JMJD1C: variants seen among roughly 807,000 people sequenced by gnomAD.
The protein encoded by JMJD1C is jumonji domain containing 1C, also known as jumonji domain-containing protein 1C.
A neutral mutation model predicts 245.3 loss-of-function variants in JMJD1C; 31 were observed. That is an observed-to-expected ratio of 0.13 (90% CI 0.09 to 0.17). The LOEUF (loss-of-function observed/expected upper bound fraction) is 0.17. Ranked by LOEUF, JMJD1C falls within the 10% of genes least tolerant of loss-of-function variation. The probability of loss-of-function intolerance (pLI) is 1.00; values close to 1 mark genes in which losing one functional copy is unlikely to be tolerated. For missense variants in JMJD1C, 2,691 were observed against 3,000.2 expected (o/e 0.90, Z 2.41); for synonymous variants, 1,057 against 1,017.4 (o/e 1.04, Z -0.74).
intron 22 of JMJD1C, among the ~76,000 whole-genome samples, chr10:63,181,871 C>T (rs558957657): frequency 6.6e-6 from 1 of 152,316 alleles, no homozygotes; most frequent in East Asian, 1.9e-4. Context: ...ATAATCTGAA[C>T]TACAGGTCAC....
At chr10:63,279,783 G>A (rs900190266) in intron 2 of JMJD1C, among the ~76,000 whole-genome samples, 1 of 152,132 alleles carries the variant, frequency 6.6e-6, no homozygotes, top group Non-Finnish European at 1.5e-5. Context: ...TTATGTGAAA[G>A]AATCCTGAAG....
chr10:63,405,273 G>A (rs183366724), intron 1 of JMJD1C, among the ~76,000 whole-genome samples: 1 of 151,780 alleles, frequency 6.6e-6, no homozygotes, highest in African/African-American at 2.4e-5. Context: ...ATACATGGGA[G>A]AGTCAGAATT....
chr10:63,441,156 A>T (rs920714258), intron 1 of JMJD1C, among the ~76,000 whole-genome samples: 2 of 152,208 alleles, frequency 1.3e-5, no homozygotes, highest in African/African-American at 4.8e-5. Flanking sequence ...AAAAGAACTG[A>T]AAGCTCTCTT....
At chr10:63,430,260 A>C (rs745577440) in intron 1 of JMJD1C, among the ~76,000 whole-genome samples, 2 of 152,372 alleles carry the variant, frequency 1.3e-5, no homozygotes, top group Non-Finnish European at 2.9e-5. Context: ...ACATATAAGA[A>C]TATCTTTGTG....
intron 3 of JMJD1C, among the ~76,000 whole-genome samples, chr10:63,262,396 T>A (rs1854889794): frequency 6.6e-6 from 1 of 152,168 alleles, no homozygotes; most frequent in Non-Finnish European, 1.5e-5. Flanking sequence ...CAAAATAAGA[T>A]AAATGTCTAT....
intron 3 of JMJD1C, among the ~76,000 whole-genome samples, chr10:63,260,691 G>A (rs1291789969): frequency 6.6e-6 from 1 of 152,060 alleles, no homozygotes; most frequent in Non-Finnish European, 1.5e-5. Context: ...CCAGGTTCAA[G>A]CGATTCTCCT....
chr10:63,194,233 C>G, intron 14 of JMJD1C, 53 bp downstream of exon 14: 1 of 1,126,816 alleles, frequency 8.9e-7, no homozygotes, highest in Non-Finnish European at 1.4e-6. Context: ...TAAGTGTTTC[C>G]TTAATCTGGA....
intron 2 of JMJD1C, among the ~76,000 whole-genome samples, chr10:63,296,952 A>G (rs9414788): frequency 0.86 from 130,763 of 152,174 alleles, 56,883 homozygotes; most frequent in African/African-American, 0.96. Flanking sequence ...ACATTTCTTC[A>G]AAGTACCTGT....
intron 2 of JMJD1C, among the ~76,000 whole-genome samples, chr10:63,336,889 G>T (rs1257667215): frequency 6.6e-6 from 1 of 151,930 alleles, no homozygotes; most frequent in Non-Finnish European, 1.5e-5. Flanking sequence ...TGTTGCCCCT[G>T]GAGTGCAGTT....
At chr10:63,317,140 C>T (rs1300947179) in intron 2 of JMJD1C, among the ~76,000 whole-genome samples, 1 of 152,032 alleles carries the variant, frequency 6.6e-6, no homozygotes, top group Non-Finnish European at 1.5e-5. Flanking sequence ...GGATTACAGG[C>T]ATGAGACACC....
At chr10:63,521,560 G>T in intron 1 of JMJD1C, 1 of 1,429,026 alleles carries the variant, frequency 7.0e-7, no homozygotes, top group Non-Finnish European at 9.3e-7. Context: ...TGTCCTGGAT[G>T]ATCTCCAGAG....
chr10:63,405,004 T>C (rs961788938), intron 1 of JMJD1C, among the ~76,000 whole-genome samples: 2 of 152,196 alleles, frequency 1.3e-5, no homozygotes, highest in Non-Finnish European at 2.9e-5. Flanking sequence ...AATTAGTTCT[T>C]GCTCCCAAGG....
chr10:63,209,091 T>G lies in JMJD1C; in HGVS notation c.2839A>C (p.Thr947Pro). The G allele has an allele frequency of 6.2e-7, 1 of 1,613,606 alleles. No individual in the cohort carries two copies. Among genetic ancestry groups the G allele is most frequent in the Non-Finnish European group, 8.5e-7 (1 of 1,179,750 alleles). ...TTATGATGATCTACTAAAGTTTTTG[T>G]CAATGGTGGACTGGAATGGGCTGTA... Reference protein sequence around the residue: ...KITAHSSPPLTKTLVDHHKEE... With the variant: ...KITAHSSPPLPKTLVDHHKEE... The change falls in exon 9 of 26, where the codon ACA becomes CCA. Residue 947 changes from threonine (T) to proline (P), a missense_variant. This residue lies in a region of JMJD1C where 1,562 missense variants were observed against 1,490.7 expected (regional missense o/e 1.05). Coordinates refer to ENST00000399262, the MANE Select transcript of JMJD1C (RefSeq NM_032776.3).
At chr10:63,279,546 T>A (rs1274273214) in intron 2 of JMJD1C, among the ~76,000 whole-genome samples, 1 of 152,170 alleles carries the variant, frequency 6.6e-6, no homozygotes, top group African/African-American at 2.4e-5. Context: ...CTCAGCACTT[T>A]GGTAGGGAGG....
At chr10:63,359,759 T>C (rs1056575635) in intron 2 of JMJD1C, among the ~76,000 whole-genome samples, 2 of 152,184 alleles carry the variant, frequency 1.3e-5, no homozygotes, top group East Asian at 3.8e-4. Flanking sequence ...AATATAGTTA[T>C]TGAAGAAAGT....
chr10:63,357,149 T>A (rs1290938356), intron 2 of JMJD1C, among the ~76,000 whole-genome samples: 1 of 151,998 alleles, frequency 6.6e-6, no homozygotes, highest in African/African-American at 2.4e-5. Flanking sequence ...TTCTCCTGCC[T>A]CAGCCTCCCC....
At chr10:63,244,670 A>G (rs1441050769) in intron 3 of JMJD1C, among the ~76,000 whole-genome samples, 2 of 152,100 alleles carry the variant, frequency 1.3e-5, no homozygotes, top group African/African-American at 4.8e-5. Flanking sequence ...AACACAGAAA[A>G]GCAATTCATA....
At chr10:63,323,581 G>A (rs750692900) in intron 2 of JMJD1C, among the ~76,000 whole-genome samples, 3 of 152,100 alleles carry the variant, frequency 2.0e-5, no homozygotes, top group Non-Finnish European at 4.4e-5. Context: ...ATAAAACAAT[G>A]TTATCCATTC....
At chr10:63,393,074 C>T (rs917683820) in intron 1 of JMJD1C, among the ~76,000 whole-genome samples, 2 of 152,094 alleles carry the variant, frequency 1.3e-5, no homozygotes, top group African/African-American at 2.4e-5. Context: ...TGAGGCCAGC[C>T]TGGGCAACAT....
Sources: allele counts gnomAD v4.1 joint callset (sites outside exome capture counted in the v4.1 genomes callset), GRCh38; gene constraint gnomAD v4.1.1; regional missense constraint gnomAD v4.1.1; transcripts MANE v1.5; gene names NCBI Gene and HGNC (gene_info 2026-07-23, HGNC 2026-07-21).